Variants in ZNF484 observed in about 807,000 individuals in gnomAD.
ZNF484 encodes the protein zinc finger protein 484.
A neutral mutation model predicts 12.9 loss-of-function variants in ZNF484; 11 were observed. The ratio of observed to expected loss-of-function variants is 0.85; its 90% CI spans 0.54 to 1.41. ZNF484 has a LOEUF of 1.41. Ranked by LOEUF, ZNF484 falls within the 40% of genes most tolerant of loss-of-function variation. The pLI, the probability that ZNF484 is intolerant of heterozygous loss-of-function variation, is 0.00. For missense variants in ZNF484, 807 were observed against 1,007.7 expected (o/e 0.80, Z 2.70); for synonymous variants, 289 against 334.1 (o/e 0.86, Z 1.47).
chr9:92,855,924 A>G, intron 3 of ZNF484, 21 bp from the exon 4 acceptor site: 3 of 1,611,872 alleles, frequency 1.9e-6, no homozygotes, highest in Non-Finnish European at 2.5e-6. Context: ...GGGATGATAG[A>G]GGACTTGATT....
chr9:92,846,298 A>G lies in ZNF484; in HGVS notation c.2489T>C (p.Val830Ala). ...CCATAATTGTGGCATGGAGCACTCT[A>G]CTTCCCCATTGTCAGATTTCTGAGG... ...SMPQKSDNGE[V>A]ECSMPQLWCG... The change falls in exon 5 of 5, where the codon GTA becomes GCA. Residue 830 changes from valine (V) to alanine (A), a missense_variant. By Grantham distance (64) the Val-to-Ala change is moderately conservative (BLOSUM62 0). Transcript: ENST00000375495. 1 of 1,614,036 alleles carries G rather than the reference A, an allele frequency of 6.2e-7. No homozygotes were observed. The highest frequency in any genetic ancestry group is 8.5e-7 in the Non-Finnish European group (1 of 1,179,982).
chr9:92,868,185 T>C (rs188385397), intron 2 of ZNF484, among the ~76,000 whole-genome samples: 1 of 152,304 alleles, frequency 6.6e-6, no homozygotes, highest in East Asian at 1.9e-4. Flanking sequence ...ACCCAGCTTC[T>C]TGAGACTCAA....
chr9:92,847,347 C>G lies in ZNF484; in HGVS notation c.1440G>C (p.Lys480Asn), dbSNP rs1338937136. Reference sequence around the variant, plus strand: ...TTTTCTGGTGTATAATGAGATTTGTCTTGTGAGTGAAGACCTTCCCACATT... The same window carrying G: ...TTTTCTGGTGTATAATGAGATTTGTGTTGTGAGTGAAGACCTTCCCACATT... ...CSECGKVFTHKTNLIIHQKIH... is the reference protein window; with the variant it reads ...CSECGKVFTHNTNLIIHQKIH... Residue 480 changes from lysine (K) to asparagine (N), a missense_variant, in exon 5 of 5, where the codon AAG becomes AAC. Transcript: ENST00000375495. 6.2e-7 allele frequency: 1 copy of G among 1,613,626 alleles called. No individual in the cohort carries two copies. The highest frequency in any genetic ancestry group is 1.1e-5 in the South Asian group (1 of 90,996).
intron 2 of ZNF484, among the ~76,000 whole-genome samples, chr9:92,864,520 T>G (rs2118100135): frequency 6.6e-6 from 1 of 152,348 alleles, no homozygotes; most frequent in South Asian, 2.1e-4. Flanking sequence ...TTGCTTCTTT[T>G]GTGTTTAAGC....
chr9:92,847,009 G>C lies in ZNF484; in HGVS notation c.1778C>G (p.Ser593Cys). 6.2e-7 allele frequency: 1 copy of C among 1,614,070 alleles called. No homozygotes were observed. The highest frequency in any genetic ancestry group is 8.5e-7 in the Non-Finnish European group (1 of 1,179,998). Residue 593 changes from serine (S) to cysteine (C), a missense_variant, in exon 5 of 5, where the codon TCC becomes TGC. Physicochemically the swap from Ser to Cys is moderately radical, Grantham distance 112. Coordinates refer to ENST00000375495, the MANE Select transcript of ZNF484 (RefSeq NM_031486.4). ...AATTCTCTCATGTGTAATAAAATGG[G>C]ATTTGTGGAAGAAGGCCTTACCACA... Reference protein sequence around the residue: ...TECGKAFFHKSHFITHERIHT... With the variant: ...TECGKAFFHKCHFITHERIHT...
chr9:92,864,896 G>C (rs1237121627), intron 2 of ZNF484, among the ~76,000 whole-genome samples: 1 of 151,886 alleles, frequency 6.6e-6, no homozygotes, highest in Non-Finnish European at 1.5e-5. Context: ...AAATTGACAA[G>C]CCAGTTACAA....
chr9:92,847,541 C>G lies in ZNF484; in HGVS notation c.1246G>C (p.Glu416Gln), dbSNP rs1855736520. The change falls in exon 5 of 5, where the codon GAA becomes CAA. Residue 416 changes from glutamate (E) to glutamine (Q), a missense_variant. Transcript: ENST00000375495. The part of the protein sequence containing the change: ...HTGEKPYVCT[E>Q]CGKAFIRKSH... Reference sequence around the variant, plus strand: ...TTCCGGATAAAGGCCTTCCCACATTCAGTACATACATAAGGTTTTTCTCCT... The same window carrying G: ...TTCCGGATAAAGGCCTTCCCACATTGAGTACATACATAAGGTTTTTCTCCT... The G allele has an allele frequency of 6.2e-7, 1 of 1,613,744 alleles. No individual in the cohort carries two copies. Among genetic ancestry groups the G allele is most frequent in the Non-Finnish European group, 8.5e-7 (1 of 1,179,966 alleles).
chr9:92,852,719 T>C (rs1446262119), intron 4 of ZNF484, among the ~76,000 whole-genome samples: 2 of 151,736 alleles, frequency 1.3e-5, no homozygotes, highest in Admixed American at 6.6e-5. Context: ...ATACTTTTAG[T>C]AGAGATGGGG....
chr9:92,861,403 AAT>A (rs963026248), intron 2 of ZNF484, among the ~76,000 whole-genome samples: 2 of 152,238 alleles, frequency 1.3e-5, no homozygotes, highest in African/African-American at 2.4e-5. Flanking sequence ...AGCAGCTGTA[AAT>A]AGTGTTGAAT....
chr9:92,877,947 A>G lies in ZNF484; in HGVS notation c.-88T>C. On this transcript the variant is annotated 5_prime_UTR_variant, in exon 1 of 5. Transcript: ENST00000375495. ...GTCATTTGCCTCGGGAGGTGACTAT[A>G]GTCGCAAGAACCAGAACAGGACCCA... is the stretch of plus-strand genomic sequence containing the variant. The G allele has an allele frequency of 7.0e-7, 1 of 1,424,432 alleles. No individual in the cohort carries two copies. Among genetic ancestry groups the G allele is most frequent in the South Asian group, 1.2e-5 (1 of 81,078 alleles). 88.2% of individuals were successfully genotyped at this position (1,424,432 alleles called of 1,614,324 possible).
At chr9:92,868,698 G>A (rs1857253401) in intron 2 of ZNF484, among the ~76,000 whole-genome samples, 1 of 151,938 alleles carries the variant, frequency 6.6e-6, no homozygotes, top group Non-Finnish European at 1.5e-5. Context: ...AAGAGAGAGC[G>A]AATGGGAGGT....
rs1855491211 is a variant in ZNF484, at chr9:92,844,737, C to A, written c.*1491G>T. On this transcript the variant is annotated 3_prime_UTR_variant, in exon 5 of 5. Transcript: ENST00000375495. The stretch of plus-strand genomic sequence containing the variant: ...AAAATGAAGGCAAAATAAAACACTG[C>A]CAACAAATGAAGAACAATTTGTCAC... 6.6e-6 allele frequency among the ~76,000 whole-genome samples: 1 copy of A among 151,974 alleles called. No individual in the cohort carries two copies. The highest frequency in any genetic ancestry group is 1.5e-5 in the Non-Finnish European group (1 of 67,978).
At chr9:92,850,044 G>C (rs1160125756) in intron 4 of ZNF484, among the ~76,000 whole-genome samples, 2 of 152,132 alleles carry the variant, frequency 1.3e-5, no homozygotes, top group East Asian at 3.9e-4. Context: ...TCAAGTATCT[G>C]TCCGCCTCGG....
chr9:92,846,130 A>G lies in ZNF484; in HGVS notation c.*98T>C, dbSNP rs1855567794. The G allele has an allele frequency of 7.9e-7, 1 of 1,267,472 alleles. No individual in the cohort carries two copies. Among genetic ancestry groups the G allele is most frequent in the African/African-American group, 1.5e-5 (1 of 66,932 alleles). 78.5% of individuals were successfully genotyped at this position (1,267,472 alleles called of 1,614,324 possible). A position where few individuals can be genotyped will look rare whatever the true frequency, so the allele number is the denominator to read the frequency against. On this transcript the variant is annotated 3_prime_UTR_variant, in exon 5 of 5. Transcript: ENST00000375495. ...TTGACAACACCAATATCAAGTAACC[A>G]AAGATGGCCACTATACATTGCTTAA... is the stretch of plus-strand genomic sequence containing the variant.
chr9:92,856,140 A>G, intron 3 of ZNF484, 52 bp downstream of exon 3: 1 of 1,599,950 alleles, frequency 6.3e-7, no homozygotes, highest in Non-Finnish European at 8.5e-7. Context: ...TGAGAAGAAA[A>G]ATATACTCAA....
At chr9:92,856,165 C>T (rs781564522) in intron 3 of ZNF484, 27 bp downstream of exon 3, 1 of 1,611,616 alleles carries the variant, frequency 6.2e-7, no homozygotes, top group African/African-American at 1.3e-5. Context: ...GTGCAGCCTA[C>T]TCTATACCCA....
At position 92,875,110 on chromosome 9, in the gene ZNF484, T is replaced by A. The variant is rs549509143; in HGVS notation, c.-30-51A>T. 6 of 1,545,002 alleles carry A rather than the reference T, an allele frequency of 3.9e-6. No homozygotes were observed. In the African/African-American group the frequency reaches 8.2e-5, roughly 21 times the overall value. Reference sequence around the variant, plus strand: ...CCCATGAGAGAAGGAACTGTGCCAATGTCACACATGGACACATACATCATT... The same window carrying A: ...CCCATGAGAGAAGGAACTGTGCCAAAGTCACACATGGACACATACATCATT... On this transcript the variant is annotated intron_variant, in intron 1 of 4. Coordinates refer to ENST00000375495, the MANE Select transcript of ZNF484 (RefSeq NM_031486.4).
At chr9:92,867,774 C>T (rs1857196210) in intron 2 of ZNF484, among the ~76,000 whole-genome samples, 1 of 152,194 alleles carries the variant, frequency 6.6e-6, no homozygotes, top group African/African-American at 2.4e-5. Context: ...CACATCTTCT[C>T]TGGCTGATTT....
At position 92,846,062 on chromosome 9, in the gene ZNF484, C is replaced by A; in HGVS notation, c.*166G>T. On this transcript the variant is annotated 3_prime_UTR_variant, in exon 5 of 5. Coordinates refer to ENST00000375495, the MANE Select transcript of ZNF484 (RefSeq NM_031486.4). ...TGCCCAAAAAGTGAAACAAGAAAGA[C>A]TGCCAATCATCTCCTTGCACATTTA... The A allele has an allele frequency of 3.0e-6, 2 of 673,806 alleles. No homozygotes were observed. Among genetic ancestry groups the A allele is most frequent in the Admixed American group, 3.3e-5 (1 of 30,744 alleles). The allele number at this position is 673,806 out of a possible 1,614,324, so 41.7% of individuals were successfully genotyped here. A position where few individuals can be genotyped will look rare whatever the true frequency, so the allele number is the denominator to read the frequency against.
Sources: gnomAD v4.1 joint callset for allele counts (sites outside exome capture counted in the v4.1 genomes callset) on GRCh38, gnomAD v4.1.1 for gene constraint, MANE v1.5 for transcripts, NCBI Gene and HGNC (gene_info 2026-07-23, HGNC 2026-07-21) for gene names.